The following SLC24A2 variants were observed in gnomAD, a reference collection of about 807,000 sequenced individuals.
SLC24A2 encodes sodium/potassium/calcium exchanger 2.
Under a neutral mutation model 62.0 loss-of-function variants are expected in SLC24A2, and 36 were observed. That is an observed-to-expected ratio of 0.58 (90% CI 0.44 to 0.77). The LOEUF is 0.77. Among genes scored for constraint, SLC24A2 ranks in the 30% least tolerant of loss-of-function variants. SLC24A2 has a pLI of 0.00. For synonymous variants in SLC24A2, 358 were observed against 294.0 expected (o/e 1.22, Z -2.23); for missense variants, 846 against 817.9 (o/e 1.03, Z -0.42).
At chr9:20,088,155 A>T in the SLC24A2 span, among the ~76,000 whole-genome samples, 192 of 152,246 alleles carry the variant, frequency 1.3e-3, 1 homozygote, top group African/African-American at 4.6e-3. Flanking sequence ...CCCCATACAT[A>T]CTCCTAGGAA....
At chr9:19,709,211 T>C (rs977837083) in intron 2 of SLC24A2, among the ~76,000 whole-genome samples, 2 of 151,792 alleles carry the variant, frequency 1.3e-5, no homozygotes, top group African/African-American at 4.8e-5. Flanking sequence ...TGAGATACCA[T>C]CTCACACCAG....
At chr9:20,203,809 C>A in the SLC24A2 span, among the ~76,000 whole-genome samples, 2 of 152,268 alleles carry the variant, frequency 1.3e-5, no homozygotes, top group African/African-American at 2.4e-5. Flanking sequence ...GGCAGCGGTA[C>A]CTTTATTGTT....
At chr9:19,989,307 C>A in the SLC24A2 span, among the ~76,000 whole-genome samples, 1 of 152,006 alleles carries the variant, frequency 6.6e-6, no homozygotes, top group African/African-American at 2.4e-5. Context: ...TCATTTTTCT[C>A]ATTTTTAAAA....
At chr9:19,523,919 T>G (rs552914019) in intron 9 of SLC24A2, among the ~76,000 whole-genome samples, 1 of 152,094 alleles carries the variant, frequency 6.6e-6, no homozygotes, top group South Asian at 2.1e-4. Flanking sequence ...AAACCCCTGG[T>G]GAATCTGTGT....
chr9:19,759,804 A>G (rs931950484), intron 2 of SLC24A2, among the ~76,000 whole-genome samples: 1 of 152,176 alleles, frequency 6.6e-6, no homozygotes, highest in Admixed American at 6.6e-5. Context: ...ACCATAAACC[A>G]TATACTGGCA....
the SLC24A2 span, among the ~76,000 whole-genome samples, chr9:20,293,051 A>T: frequency 2.6e-5 from 4 of 152,128 alleles, no homozygotes; most frequent in Non-Finnish European, 4.4e-5. Context: ...CATAACATCA[A>T]TCTCTGCCTT....
At chr9:20,082,553 G>C in the SLC24A2 span, among the ~76,000 whole-genome samples, 1 of 152,208 alleles carries the variant, frequency 6.6e-6, no homozygotes, top group Non-Finnish European at 1.5e-5. Flanking sequence ...CTCTGAGGTG[G>C]TTTTCTCTCT....
the SLC24A2 span, among the ~76,000 whole-genome samples, chr9:20,202,721 T>C: frequency 9.9e-5 from 15 of 152,140 alleles, no homozygotes; most frequent in Non-Finnish European, 1.8e-4. Context: ...GTCGGATATA[T>C]TGCTGGATTA....
the SLC24A2 span, among the ~76,000 whole-genome samples, chr9:20,129,003 G>C: frequency 6.6e-6 from 1 of 151,888 alleles, no homozygotes; most frequent in South Asian, 2.1e-4. Context: ...TGAAAGACAA[G>C]TCACAGGATG....
chr9:20,204,141 G>A, the SLC24A2 span, among the ~76,000 whole-genome samples: 2 of 152,118 alleles, frequency 1.3e-5, no homozygotes, highest in Non-Finnish European at 2.9e-5. Context: ...TATATATTTT[G>A]AACTATAAAT....
At chr9:20,121,629 G>A in the SLC24A2 span, among the ~76,000 whole-genome samples, 12 of 152,008 alleles carry the variant, frequency 7.9e-5, no homozygotes, top group African/African-American at 2.9e-4. Flanking sequence ...GTGCTTACCG[G>A]GAATGTCCAT....
chr9:20,283,935 C>G, the SLC24A2 span, among the ~76,000 whole-genome samples: 1 of 152,098 alleles, frequency 6.6e-6, no homozygotes, highest in African/African-American at 2.4e-5. Flanking sequence ...CATGTGTTCC[C>G]GGAATGTCAT....
the SLC24A2 span, among the ~76,000 whole-genome samples, chr9:19,842,369 G>A: frequency 6.6e-6 from 1 of 152,158 alleles, no homozygotes; most frequent in African/African-American, 2.4e-5. Context: ...AAGGTAGAAT[G>A]GCTTACTGAA....
At position 19,569,977 on chromosome 9, in the gene SLC24A2, T is replaced by C. The variant is rs1053420390; in HGVS notation, c.1347+3374A>G. ...CCTCATCTCCCAACTCACAGGAGCC[T>C]CTCCATTTTCCTTCCATCCTATCAC... On this transcript the variant is annotated intron_variant, in intron 7 of 10. Transcript: ENST00000341998. Among the ~76,000 whole-genome samples the C allele has an allele frequency of 2.6e-5, 4 of 152,200 alleles. No individual in the cohort carries two copies. In the South Asian group the frequency reaches 6.2e-4, roughly 24 times the overall value.
chr9:19,611,932 T>TG (rs140468602), intron 4 of SLC24A2, among the ~76,000 whole-genome samples: 38 of 151,920 alleles, frequency 2.5e-4, no homozygotes, highest in Non-Finnish European at 2.2e-4. Context: ...TGATGAGAGG[T>TG]GGGGGGAACA....
chr9:19,550,003 A>G (rs1834765809), intron 8 of SLC24A2, 134 bp downstream of exon 8: 5 of 840,484 alleles, frequency 5.9e-6, no homozygotes, highest in South Asian at 5.6e-5. Context: ...AGTTGTACCT[A>G]TTTATGGGGT....
At chr9:19,714,772 C>A (rs1820811699) in intron 2 of SLC24A2, among the ~76,000 whole-genome samples, 1 of 152,110 alleles carries the variant, frequency 6.6e-6, no homozygotes, top group African/African-American at 2.4e-5. Flanking sequence ...GTGGCAAGGG[C>A]AGCTATAATC....
the SLC24A2 span, among the ~76,000 whole-genome samples, chr9:20,203,172 T>C: frequency 6.6e-6 from 1 of 151,860 alleles, no homozygotes; most frequent in Non-Finnish European, 1.5e-5. Context: ...TTTAACAGCT[T>C]AGTTACCAAA....
At chr9:19,703,113 G>C (rs761773466) in intron 2 of SLC24A2, among the ~76,000 whole-genome samples, 2 of 152,020 alleles carry the variant, frequency 1.3e-5, no homozygotes, top group African/African-American at 4.8e-5. Context: ...AAGAGAGAGA[G>C]AGATACTCGC....
Sources: allele counts gnomAD v4.1 joint callset (sites outside exome capture counted in the v4.1 genomes callset), GRCh38; gene constraint gnomAD v4.1.1; transcripts MANE v1.5; gene names NCBI Gene and HGNC (gene_info 2026-07-23, HGNC 2026-07-21).